The following PEAK1 variants were observed in gnomAD, a reference collection of about 807,000 sequenced individuals.
The protein encoded by PEAK1 is inactive tyrosine-protein kinase PEAK1.
Under a neutral mutation model 124.7 loss-of-function variants are expected in PEAK1, and 54 were observed. That is an observed-to-expected ratio of 0.43 (90% CI 0.35 to 0.54). The LOEUF (loss-of-function observed/expected upper bound fraction) is 0.54, where lower values mean the gene tolerates loss of function less well. Among genes scored for constraint, PEAK1 ranks in the 20% least tolerant of loss-of-function variants. The probability of loss-of-function intolerance (pLI) is 0.01; values close to 1 mark genes in which losing one functional copy is unlikely to be tolerated. For missense variants in PEAK1, 2,046 were observed against 2,134.5 expected (o/e 0.96, Z 0.82); for synonymous variants, 719 against 760.0 (o/e 0.95, Z 0.89).
In PEAK1 at chr15:77,257,296, C is replaced by T. The variant is rs866984596; in HGVS notation, c.-274-4770G>A. On this transcript the variant is annotated intron_variant, in intron 5 of 9. Transcript: ENST00000682557. ...TTCTAGTTCTAGAGCCCTGAGGAAT[C>T]GCCACACTGACTTCCACAATGGTTG... Among the ~76,000 whole-genome samples, 314 of 151,226 alleles carry T rather than the reference C, an allele frequency of 2.1e-3. 1 individual carries two copies. The highest frequency in any genetic ancestry group is 7.5e-3 in the African/African-American group (307 of 41,122).
intron 2 of PEAK1, among the ~76,000 whole-genome samples, chr15:77,312,163 T>C (rs371186615): frequency 6.6e-6 from 1 of 152,222 alleles, no homozygotes; most frequent in African/African-American, 2.4e-5. Flanking sequence ...CCTGGGTTTC[T>C]GTTCTGAAAC....
Position 77,115,316 on chromosome 15 carries a change from A to G in PEAK1, c.4081T>C (p.Cys1361Arg), listed in dbSNP as rs771485655. 1 of 1,609,454 alleles carries G rather than the reference A, an allele frequency of 6.2e-7. No individual in the cohort carries two copies. ...DPLNNYAVKICKSKAKESQQY... is the reference protein window; with the variant it reads ...DPLNNYAVKIRKSKAKESQQY... ...TGAGATTCTTTAGCTTTGCTCTTAC[A>G]GATCTGAAAGATAATAAAACAATTC... is the stretch of plus-strand genomic sequence containing the variant. The change falls in exon 10 of 10, where the codon TGT (cysteine) becomes CGT (arginine). Residue 1361 changes from cysteine to arginine, a missense_variant. Physicochemically the swap from Cys to Arg is radical, Grantham distance 180. Transcript: ENST00000682557.
At chr15:77,141,124 T>A (rs1023461818) in intron 8 of PEAK1, among the ~76,000 whole-genome samples, 1 of 152,160 alleles carries the variant, frequency 6.6e-6, no homozygotes, top group Non-Finnish European at 1.5e-5. Flanking sequence ...GATAATATAA[T>A]CGTGTATATT....
At chr15:77,235,304 C>T (rs776665752) in intron 6 of PEAK1, among the ~76,000 whole-genome samples, 22 of 151,874 alleles carry the variant, frequency 1.4e-4, no homozygotes, top group Non-Finnish European at 2.6e-4. Context: ...CAGAAGAGGA[C>T]AGGAAGATGT....
intron 2 of PEAK1, chr15:77,334,683 T>G: frequency 1.0e-6 from 1 of 985,232 alleles, no homozygotes; most frequent in Non-Finnish European, 1.2e-6. Context: ...TTTCCATCTA[T>G]TTTTTTAACA....
At chr15:77,129,074 C>G (rs1176884904) in intron 9 of PEAK1, among the ~76,000 whole-genome samples, 3 of 152,256 alleles carry the variant, frequency 2.0e-5, no homozygotes, top group Middle Eastern at 6.8e-3. Flanking sequence ...GCATAGGGCC[C>G]TGATACAATA....
At chr15:77,120,795 T>C (rs1395061688) in intron 9 of PEAK1, among the ~76,000 whole-genome samples, 2 of 152,244 alleles carry the variant, frequency 1.3e-5, no homozygotes, top group Non-Finnish European at 2.9e-5. Context: ...TTTCCAGTCC[T>C]ACTTCCCACC....
chr15:77,205,191 T>A, intron 6 of PEAK1: 1 of 271,978 alleles, frequency 3.7e-6, no homozygotes. Context: ...AAGTGCAAGT[T>A]TTTTTAGTAG....
chr15:77,215,353 G>A (rs1401160610), intron 6 of PEAK1, among the ~76,000 whole-genome samples: 4 of 152,048 alleles, frequency 2.6e-5, no homozygotes, highest in East Asian at 3.8e-4. Context: ...ATTGTCTTTC[G>A]AAAAGCTAGT....
At chr15:77,217,596 G>C (rs141514449) in intron 6 of PEAK1, among the ~76,000 whole-genome samples, 3 of 152,210 alleles carry the variant, frequency 2.0e-5, no homozygotes, top group African/African-American at 4.8e-5. Context: ...TTCTGGTTTG[G>C]TTCCTTCCGA....
chr15:77,399,083 T>C (rs1335115687), intron 1 of PEAK1, among the ~76,000 whole-genome samples: 1 of 152,098 alleles, frequency 6.6e-6, no homozygotes, highest in Non-Finnish European at 1.5e-5. Flanking sequence ...ATGAAAACTA[T>C]AAAACATTGA....
intron 6 of PEAK1, among the ~76,000 whole-genome samples, chr15:77,226,068 T>TA (rs1555449141): frequency 2.9e-5 from 4 of 136,344 alleles, no homozygotes; most frequent in Non-Finnish European, 4.8e-5. Flanking sequence ...TATATATATA[T>TA]ATATATATAT....
intron 1 of PEAK1, among the ~76,000 whole-genome samples, chr15:77,405,907 T>C (rs2142054877): frequency 6.6e-6 from 1 of 152,330 alleles, no homozygotes; most frequent in South Asian, 2.1e-4. Flanking sequence ...TTCAGAGGTC[T>C]AACTCCCTAA....
In PEAK1 at chr15:77,237,861, T is replaced by C. The variant is rs1596791967; in HGVS notation, c.-115+14506A>G. On this transcript the variant is annotated intron_variant, in intron 6 of 9. Coordinates refer to ENST00000682557, the MANE Select transcript of PEAK1 (RefSeq NM_001385026.1). ...GTTTTTGCTTTGAATTCTCTTGCTA[T>C]GCCTACTACTTTTTATTTGCCTGAT... 4.6e-5 allele frequency among the ~76,000 whole-genome samples: 7 copies of C among 152,306 alleles called. 1 individual carries two copies. The South Asian group carries it at 1.4e-3, about 32-fold the overall frequency.
intron 1 of PEAK1, chr15:77,381,438 A>T (rs1425476814): frequency 4.2e-6 from 4 of 946,328 alleles, no homozygotes; most frequent in South Asian, 4.9e-5. Context: ...AAAAAAAATA[A>T]TTTTTTCTTT....
At chr15:77,263,682 A>C (rs1040123567) in intron 5 of PEAK1, among the ~76,000 whole-genome samples, 4 of 152,208 alleles carry the variant, frequency 2.6e-5, no homozygotes, top group African/African-American at 9.7e-5. Context: ...AGGTACAAGG[A>C]GGAGCTGGTA....
chr15:77,390,177 G>A (rs1283262782), intron 1 of PEAK1, among the ~76,000 whole-genome samples: 2 of 152,188 alleles, frequency 1.3e-5, no homozygotes, highest in African/African-American at 4.8e-5. Flanking sequence ...GTTATGTGCT[G>A]ACAGTAAGAT....
intron 5 of PEAK1, among the ~76,000 whole-genome samples, chr15:77,267,899 T>C (rs1232243383): frequency 2.0e-5 from 3 of 151,794 alleles, no homozygotes; most frequent in African/African-American, 4.8e-5. Context: ...ATTCACAAAG[T>C]CGACTATTAA....
At chr15:77,364,911 T>A (rs925102630) in intron 2 of PEAK1, among the ~76,000 whole-genome samples, 1 of 152,186 alleles carries the variant, frequency 6.6e-6, no homozygotes, top group Non-Finnish European at 1.5e-5. Flanking sequence ...TAGTATGAAT[T>A]TCGTCTTTGA....
Sources: allele counts gnomAD v4.1 joint callset (sites outside exome capture counted in the v4.1 genomes callset), GRCh38; gene constraint gnomAD v4.1.1; transcripts MANE v1.5; gene names NCBI Gene and HGNC (gene_info 2026-07-23, HGNC 2026-07-21).